PARD3: variants seen among roughly 807,000 people sequenced by gnomAD.
PARD3 encodes par-3 family cell polarity regulator.
Under a neutral mutation model 155.4 loss-of-function variants are expected in PARD3, and 75 were observed. That is an observed-to-expected ratio of 0.48 (90% CI 0.40 to 0.58). PARD3 has a LOEUF of 0.58. Among genes scored for constraint, PARD3 ranks in the 20% least tolerant of loss-of-function variants. PARD3 has a pLI of 0.00. For synonymous variants in PARD3, 576 were observed against 610.5 expected (o/e 0.94, Z 0.83); for missense variants, 1,642 against 1,721.7 (o/e 0.95, Z 0.82).
intron 11 of PARD3, among the ~76,000 whole-genome samples, chr10:34,372,796 C>G (rs1840825884): frequency 6.6e-6 from 1 of 152,064 alleles, no homozygotes; most frequent in African/African-American, 2.4e-5. Context: ...AATTTATTAT[C>G]TGGAGGAAAA....
At chr10:34,524,122 A>G (rs2082323842) in intron 2 of PARD3, among the ~76,000 whole-genome samples, 1 of 152,194 alleles carries the variant, frequency 6.6e-6, no homozygotes, top group South Asian at 2.1e-4. Flanking sequence ...GTAGATTATC[A>G]CAGTGTATTA....
chr10:34,765,212 T>C (rs1297353245), intron 1 of PARD3, among the ~76,000 whole-genome samples: 2 of 152,150 alleles, frequency 1.3e-5, no homozygotes, highest in East Asian at 3.9e-4. Context: ...AGTTTAAGGG[T>C]GAAAGCTCAA....
intron 1 of PARD3, among the ~76,000 whole-genome samples, chr10:34,757,336 T>TG (rs1197047537): frequency 2.6e-5 from 4 of 152,178 alleles, no homozygotes; most frequent in Non-Finnish European, 4.4e-5. Flanking sequence ...AACTGTGAGG[T>TG]GTGACATGCT....
At chr10:34,273,094 T>C (rs1366180926) in intron 21 of PARD3, among the ~76,000 whole-genome samples, 2 of 152,186 alleles carry the variant, frequency 1.3e-5, no homozygotes, top group Non-Finnish European at 2.9e-5. Flanking sequence ...CTTATCATAC[T>C]GTCCAGTAAT....
intron 4 of PARD3, among the ~76,000 whole-genome samples, chr10:34,464,536 C>T (rs2077883700): frequency 6.6e-6 from 1 of 152,032 alleles, no homozygotes; most frequent in African/African-American, 2.4e-5. Flanking sequence ...ATCAGAGATG[C>T]CAACATAAAT....
At chr10:34,763,265 G>A (rs373939697) in intron 1 of PARD3, among the ~76,000 whole-genome samples, 2 of 152,346 alleles carry the variant, frequency 1.3e-5, no homozygotes, top group South Asian at 4.1e-4. Flanking sequence ...TGAGCCTTGA[G>A]CTCATAAACA....
At chr10:34,712,173 T>A (rs2133640092) in intron 1 of PARD3, among the ~76,000 whole-genome samples, 1 of 152,184 alleles carries the variant, frequency 6.6e-6, no homozygotes, top group South Asian at 2.1e-4. Context: ...TCTAAGAGTG[T>A]GGAAGGGTAC....
chr10:34,208,691 G>A (rs1176261175), intron 22 of PARD3, among the ~76,000 whole-genome samples: 1 of 152,146 alleles, frequency 6.6e-6, no homozygotes, highest in African/African-American at 2.4e-5. Context: ...GAGCGTTCAG[G>A]AAACAGGAGC....
At chr10:34,156,263 A>C (rs1191588107) in intron 22 of PARD3, among the ~76,000 whole-genome samples, 4 of 152,032 alleles carry the variant, frequency 2.6e-5, no homozygotes, top group Non-Finnish European at 5.9e-5. Flanking sequence ...ACAAGCCACT[A>C]ATTTTTTCAT....
At chr10:34,665,902 GAACAA>G (rs2093455036) in intron 2 of PARD3, among the ~76,000 whole-genome samples, 1 of 133,576 alleles carries the variant, frequency 7.5e-6, no homozygotes, top group African/African-American at 2.8e-5. Flanking sequence ...GAACAGAACA[GAACAA>G]AAAGAAAAGA....
chr10:34,511,110 G>T (rs545883532), intron 3 of PARD3, among the ~76,000 whole-genome samples: 1 of 152,126 alleles, frequency 6.6e-6, no homozygotes, highest in Non-Finnish European at 1.5e-5. Context: ...ATTGAAGAAC[G>T]TGGGCCATTT....
intron 1 of PARD3, among the ~76,000 whole-genome samples, chr10:34,806,051 G>A (rs1439490559): frequency 6.6e-6 from 1 of 150,780 alleles, no homozygotes; most frequent in Non-Finnish European, 1.5e-5. Flanking sequence ...TTCTGTTAGA[G>A]ACAGAGTCTC....
At chr10:34,677,310 C>CA (rs1330261472) in intron 2 of PARD3, among the ~76,000 whole-genome samples, 1 of 151,574 alleles carries the variant, frequency 6.6e-6, no homozygotes, top group Non-Finnish European at 1.5e-5. Flanking sequence ...GTGAGACCCC[C>CA]ACATCTACAA....
At chr10:34,798,705 CAAAA>C (rs55803946) in intron 1 of PARD3, among the ~76,000 whole-genome samples, 1 of 114,748 alleles carries the variant, frequency 8.7e-6, no homozygotes, top group African/African-American at 3.4e-5. Context: ...ACTCTGTCTC[CAAAA>C]AAAAAAAAAA....
At chr10:34,227,886 T>TATATATATATATATATATATATA (rs1564499942) in intron 22 of PARD3, among the ~76,000 whole-genome samples, 1 of 62,926 alleles carries the variant, frequency 1.6e-5, no homozygotes, top group African/African-American at 5.6e-5. Flanking sequence ...ATATATATAC[T>TATATATATATATATATATATATA]GGGAATATAT....
intron 23 of PARD3, among the ~76,000 whole-genome samples, chr10:34,121,486 A>G (rs1384718102): frequency 6.6e-6 from 1 of 152,242 alleles, no homozygotes; most frequent in African/African-American, 2.4e-5. Context: ...AGCTAATGGT[A>G]GACTTTGCCC....
chr10:34,140,102 CTTT>C (rs1948105934), intron 22 of PARD3, among the ~76,000 whole-genome samples: 1 of 151,936 alleles, frequency 6.6e-6, no homozygotes, highest in Non-Finnish European at 1.5e-5. Context: ...TTGTCATTTG[CTTT>C]TGTTTTTCGT....
At chr10:34,327,837 CAAGA>C (rs1212213640) in intron 19 of PARD3, among the ~76,000 whole-genome samples, 1 of 152,038 alleles carries the variant, frequency 6.6e-6, no homozygotes. Context: ...ACCATCGGGA[CAAGA>C]AAGAACCCAC....
chr10:34,277,699 C>T (rs1278350823), intron 21 of PARD3, among the ~76,000 whole-genome samples: 1 of 151,968 alleles, frequency 6.6e-6, no homozygotes, highest in East Asian at 1.9e-4. Context: ...TCCCTCAATG[C>T]TAAAATGAGA....
Sources: gnomAD v4.1 joint callset for allele counts (sites outside exome capture counted in the v4.1 genomes callset) on GRCh38, gnomAD v4.1.1 for gene constraint, MANE v1.5 for transcripts, NCBI Gene and HGNC (gene_info 2026-07-23, HGNC 2026-07-21) for gene names.